Variants in INPP4B observed in about 807,000 individuals in gnomAD.
The protein encoded by INPP4B is inositol polyphosphate 4-phosphatase type II.
INPP4B carries 55 observed loss-of-function variants against 122.5 expected under a neutral mutation model. That is an observed-to-expected ratio of 0.45 (90% CI 0.36 to 0.56). The LOEUF is 0.56. INPP4B is among the 20% of genes least tolerant of loss of function. The pLI, the probability that INPP4B is intolerant of heterozygous loss-of-function variation, is 0.00. For missense variants in INPP4B, 1,000 were observed against 1,097.7 expected (o/e 0.91, Z 1.26); for synonymous variants, 403 against 388.7 (o/e 1.04, Z -0.43).
At chr4:142,837,317 T>C (rs1212008810) in intron 1 of INPP4B, among the ~76,000 whole-genome samples, 1 of 152,116 alleles carries the variant, frequency 6.6e-6, no homozygotes, top group Non-Finnish European at 1.5e-5. Flanking sequence ...TATAGTACTT[T>C]TTTTATTTGT....
At chr4:142,071,091 A>G (rs1192660432) in intron 25 of INPP4B, among the ~76,000 whole-genome samples, 2 of 152,186 alleles carry the variant, frequency 1.3e-5, no homozygotes, top group Admixed American at 6.5e-5. Context: ...AAACTATACT[A>G]CAAGGCTACA....
intron 9 of INPP4B, among the ~76,000 whole-genome samples, chr4:142,297,918 G>A (rs1035383742): frequency 8.5e-5 from 13 of 152,138 alleles, no homozygotes; most frequent in African/African-American, 2.9e-4. Flanking sequence ...GGCAATGCTT[G>A]GAACTTCACT....
intron 2 of INPP4B, among the ~76,000 whole-genome samples, chr4:142,622,972 T>C (rs1165852601): frequency 3.9e-5 from 6 of 151,976 alleles, no homozygotes; most frequent in Non-Finnish European, 7.4e-5. Flanking sequence ...AATAAATTAC[T>C]GCCCAAAGAG....
chr4:142,317,270 CA>C, intron 7 of INPP4B: 1 of 357,176 alleles, frequency 2.8e-6, no homozygotes, highest in Non-Finnish European at 5.6e-6. Context: ...AACAAACTAC[CA>C]AAACCGCAGA....
In INPP4B at chr4:142,385,327, C is replaced by T. The variant is rs181834685; in HGVS notation, c.372+17611G>A. 4.0e-3 allele frequency among the ~76,000 whole-genome samples: 599 copies of T among 150,680 alleles called. 3 individuals are homozygous for T. The highest frequency in any genetic ancestry group is 0.013 in the African/African-American group (544 of 41,030). ...TGACTGGTGTGAGATGGTATCTCAT[C>T]GTGATTTTGATTTGTATTCTCTAAT... On this transcript the variant is annotated intron_variant, in intron 7 of 25. Coordinates refer to ENST00000262992, the MANE Select transcript of INPP4B (RefSeq NM_001101669.3).
intron 2 of INPP4B, among the ~76,000 whole-genome samples, chr4:142,478,647 A>G (rs1560704083): frequency 6.6e-6 from 1 of 152,198 alleles, no homozygotes; most frequent in Non-Finnish European, 1.5e-5. Context: ...CTACTTGATC[A>G]TGGTAGATTA....
intron 1 of INPP4B, among the ~76,000 whole-genome samples, chr4:142,826,295 T>C (rs1164263518): frequency 6.6e-6 from 1 of 152,150 alleles, no homozygotes; most frequent in African/African-American, 2.4e-5. Context: ...TCATAGGCCA[T>C]GTTCTTCGTT....
chr4:142,700,996 T>G (rs1761686720), intron 2 of INPP4B, among the ~76,000 whole-genome samples: 3 of 152,136 alleles, frequency 2.0e-5, no homozygotes, highest in African/African-American at 7.2e-5. Context: ...CTGGCTACCT[T>G]AATCCATAAG....
At chr4:142,631,261 C>T (rs747355736) in intron 2 of INPP4B, among the ~76,000 whole-genome samples, 6 of 151,840 alleles carry the variant, frequency 4.0e-5, no homozygotes, top group East Asian at 1.9e-4. Flanking sequence ...AATGGTGACA[C>T]GAAAATTCTA....
At chr4:142,374,331 A>G (rs977051180) in intron 7 of INPP4B, among the ~76,000 whole-genome samples, 1 of 151,920 alleles carries the variant, frequency 6.6e-6, no homozygotes, top group African/African-American at 2.4e-5. Context: ...GCAAAGATGC[A>G]TTTTGTATGC....
At chr4:142,088,357 AC>A (rs1406017723) in intron 23 of INPP4B, among the ~76,000 whole-genome samples, 2 of 152,236 alleles carry the variant, frequency 1.3e-5, no homozygotes, top group Non-Finnish European at 2.9e-5. Flanking sequence ...ACCAAAACAA[AC>A]CCAGGGGAAG....
In INPP4B at chr4:142,243,376, T is replaced by A. The variant is rs556786299; in HGVS notation, c.689-5365A>T. ...TTCCATTTGAAGCTACTTAACATCT[T>A]AAGTTAAATCCTGTATTAGCACACA... On this transcript the variant is annotated intron_variant, in intron 11 of 25. Transcript: ENST00000262992. 1.3e-4 allele frequency among the ~76,000 whole-genome samples: 20 copies of A among 152,292 alleles called. No individual in the cohort carries two copies. The East Asian group carries it at 3.5e-3, about 26-fold the overall frequency.
intron 1 of INPP4B, among the ~76,000 whole-genome samples, chr4:142,726,221 CA>C (rs1765330570): frequency 6.6e-6 from 1 of 152,170 alleles, no homozygotes; most frequent in African/African-American, 2.4e-5. Flanking sequence ...TCCATCATTT[CA>C]AAAGACAAGA....
At chr4:142,826,130 T>C (rs1022040709) in intron 1 of INPP4B, among the ~76,000 whole-genome samples, 9 of 152,118 alleles carry the variant, frequency 5.9e-5, no homozygotes, top group African/African-American at 2.2e-4. Flanking sequence ...CCATGAAATA[T>C]ATACATATAT....
At position 142,058,432 on chromosome 4, in the gene INPP4B, T is replaced by C. The variant is rs193176494; in HGVS notation, c.2642+23599A>G. 1.7e-4 allele frequency among the ~76,000 whole-genome samples: 26 copies of C among 152,220 alleles called. No homozygotes were observed. In the East Asian group the frequency reaches 4.4e-3, roughly 26 times the overall value. On this transcript the variant is annotated intron_variant, in intron 25 of 25. Coordinates refer to ENST00000262992, the MANE Select transcript of INPP4B (RefSeq NM_001101669.3). ...TATTACTGTGCCATTATTTCTCAGA[T>C]TGTGCTTGATTTTTTCTTTTTCCCT... is the stretch of plus-strand genomic sequence containing the variant.
intron 2 of INPP4B, among the ~76,000 whole-genome samples, chr4:142,632,917 G>GA (rs55768165): frequency 4.0e-5 from 6 of 150,872 alleles, no homozygotes; most frequent in African/African-American, 1.2e-4. Context: ...TGGTAGATTT[G>GA]AAAAAAAAAT....
chr4:142,677,960 G>C (rs1758061249), intron 2 of INPP4B, among the ~76,000 whole-genome samples: 1 of 151,788 alleles, frequency 6.6e-6, no homozygotes, highest in East Asian at 1.9e-4. Flanking sequence ...TGCACGTTCT[G>C]CACATGTATC....
intron 18 of INPP4B, among the ~76,000 whole-genome samples, chr4:142,126,182 AAATT>A (rs1484799642): frequency 1.3e-5 from 2 of 152,178 alleles, no homozygotes; most frequent in African/African-American, 4.8e-5. Context: ...ATATATAAAT[AAATT>A]AATGGGTGAC....
chr4:142,827,021 G>A (rs1781536959), intron 1 of INPP4B, among the ~76,000 whole-genome samples: 1 of 152,122 alleles, frequency 6.6e-6, no homozygotes, highest in Non-Finnish European at 1.5e-5. Flanking sequence ...CCTCACTGTA[G>A]AATGCAAATC....
Sources: gnomAD v4.1 joint callset for allele counts (sites outside exome capture counted in the v4.1 genomes callset) on GRCh38, gnomAD v4.1.1 for gene constraint, MANE v1.5 for transcripts, NCBI Gene and HGNC (gene_info 2026-07-23, HGNC 2026-07-21) for gene names.